The following CIT variants were observed in gnomAD, a reference collection of about 807,000 sequenced individuals.
CIT encodes citron Rho-interacting kinase.
CIT carries 79 observed loss-of-function variants against 272.7 expected under a neutral mutation model. That is an observed-to-expected ratio of 0.29 (90% CI 0.24 to 0.35). The LOEUF (loss-of-function observed/expected upper bound fraction) is 0.35, where lower values mean the gene tolerates loss of function less well. Among genes scored for constraint, CIT ranks in the 10% least tolerant of loss-of-function variants. The pLI is 1.00. For synonymous variants in CIT, 948 were observed against 995.6 expected, an observed-to-expected ratio of 0.95 and a Z score of 0.90; for missense variants, 1,909 against 2,618.3, an observed-to-expected ratio of 0.73 and a Z score of 5.91.
In CIT at chr12:119,803,299, G is replaced by A. The variant is rs767424020; in HGVS notation, c.1202C>T (p.Pro401Leu). The A allele has an allele frequency of 4.3e-6, 7 of 1,610,310 alleles. No individual in the cohort carries two copies. The highest frequency in any genetic ancestry group is 2.7e-5 in the African/African-American group (2 of 74,466). Residue 401 changes from proline to leucine, a missense_variant, in exon 10 of 48, where the codon CCG becomes CTG. Transcript: ENST00000392521. Reference sequence around the variant, plus strand: ...GAAGCCTGAGGGGCTCAGCTGGCACGGAGAGGATGAAACCCACGAATTCTT... The same window carrying A: ...GAAGCCTGAGGGGCTCAGCTGGCACAGAGAGGATGAAACCCACGAATTCTT... ...PEKNSWVSSS[P>L]CQLSPSGFSG... is the part of the protein sequence containing the mutation.
rs928269087 is a variant in CIT, at chr12:119,800,011, G to A, written c.1295+3195C>T. Among the ~76,000 whole-genome samples, 6 of 151,966 alleles carry A rather than the reference G, an allele frequency of 3.9e-5. No individual in the cohort carries two copies. The East Asian group carries it at 1.2e-3, about 29-fold the overall frequency. ...ACGGCTTCACCAAGAACTTAAATGA[G>A]GCAGTGCCTCAATCTAGAAGGAAAA... On this transcript the variant is annotated intron_variant, in intron 10 of 47. Coordinates refer to ENST00000392521, the MANE Select transcript of CIT (RefSeq NM_001206999.2).
At chr12:119,818,622 C>T (rs1478742895) in intron 9 of CIT, among the ~76,000 whole-genome samples, 3 of 152,326 alleles carry the variant, frequency 2.0e-5, no homozygotes, top group Middle Eastern at 3.4e-3. Flanking sequence ...CTAACAAATG[C>T]TGAGGACCTG....
Position 119,825,341 on chromosome 12 carries a change from G to C in CIT, c.781C>G (p.Pro261Ala). The change falls in exon 8 of 48, where the codon CCA (proline) becomes GCA (alanine). Residue 261 changes from proline to alanine, a missense_variant. By Grantham distance (27) the Pro-to-Ala change is conservative (BLOSUM62 -1). Around this residue, in one of 8 missense-constraint regions of CIT, gnomAD observed 529 missense variants for 549.6 expected, o/e 0.96. Coordinates refer to ENST00000392521, the MANE Select transcript of CIT (RefSeq NM_001206999.2). ...MVNAKLPIGT[P>A]DYMAPEVLTV... ...AGCACTTCAGGAGCCATGTAATCTG[G>C]GGTCCCAATCGGGAGTTTGGCATTC... 1.2e-6 allele frequency: 2 copies of C among 1,614,022 alleles called. No homozygotes were observed. Among genetic ancestry groups the C allele is most frequent in the Non-Finnish European group, 1.7e-6 (2 of 1,180,002 alleles).
chr12:119,745,144 A>G (rs1243757034), intron 23 of CIT, among the ~76,000 whole-genome samples: 1 of 151,674 alleles, frequency 6.6e-6, no homozygotes, highest in Non-Finnish European at 1.5e-5. Context: ...AAGAAATGTG[A>G]AGAAAATTAA....
At chr12:119,749,127 G>A (rs1296523845) in intron 23 of CIT, among the ~76,000 whole-genome samples, 3 of 152,200 alleles carry the variant, frequency 2.0e-5, no homozygotes, top group Non-Finnish European at 4.4e-5. Context: ...CCCTTCAGTC[G>A]AGAGCTTTAA....
At chr12:119,738,886 G>A (rs74956154) in intron 24 of CIT, among the ~76,000 whole-genome samples, 236 of 121,596 alleles carry the variant, frequency 1.9e-3, no homozygotes, top group East Asian at 2.4e-3. Context: ...TCAATCTCCA[G>A]AAAAAAAAAA....
rs374303430 is a variant in CIT, at chr12:119,718,344, C to A, written c.4069G>T (p.Ala1357Ser). ...GGCGACCGCACGATGGCGGACATGG[C>A]GATCTGCTGCCTCGCGGTGGCTGGC... The part of the protein sequence containing the change: ...STPATARQQI[A>S]MSAIVRSPEH... Residue 1357 changes from alanine to serine, a missense_variant, in exon 32 of 48, where the codon GCC (alanine) becomes TCC (serine). Coordinates refer to ENST00000392521, the MANE Select transcript of CIT (RefSeq NM_001206999.2). This position sits in a 1 kb window ranked among gnomAD's most constrained non-coding sequence, Gnocchi z 4.8. 13 of 1,614,058 alleles carry A rather than the reference C, an allele frequency of 8.1e-6. No homozygotes were observed. In the African/African-American group the frequency reaches 1.1e-4, roughly 13 times the overall value.
At chr12:119,840,958 G>T (rs1969369355) in intron 5 of CIT, among the ~76,000 whole-genome samples, 1 of 152,108 alleles carries the variant, frequency 6.6e-6, no homozygotes, top group African/African-American at 2.4e-5. Flanking sequence ...CTTTCAAATT[G>T]TTCCTATATA....
chr12:119,750,567 G>T (rs980059391), intron 23 of CIT, among the ~76,000 whole-genome samples: 2 of 151,804 alleles, frequency 1.3e-5, no homozygotes. Context: ...TCTGAACTTG[G>T]TGTAAGTCCT....
At chr12:119,859,127 A>G (rs1950258081) in intron 3 of CIT, among the ~76,000 whole-genome samples, 1 of 152,200 alleles carries the variant, frequency 6.6e-6, no homozygotes, top group South Asian at 2.1e-4. Flanking sequence ...AATGAAGGGG[A>G]GCAGCAGTGG....
chr12:119,789,373 C>T (rs962528677), intron 10 of CIT, among the ~76,000 whole-genome samples: 1 of 152,150 alleles, frequency 6.6e-6, no homozygotes, highest in Non-Finnish European at 1.5e-5. Context: ...AGTAAGAACC[C>T]AATTTTGAAA....
intron 5 of CIT, among the ~76,000 whole-genome samples, chr12:119,845,943 A>AACACACACACACACACACACACAC (rs58381184): frequency 7.3e-6 from 1 of 136,972 alleles, no homozygotes; most frequent in African/African-American, 2.8e-5. Flanking sequence ...TCCATCTCAA[A>AACACACACACACACACACACACAC]ACACACACAC....
chr12:119,823,737 C>T lies in CIT; in HGVS notation c.958-764G>A, dbSNP rs574860904. 5.3e-5 allele frequency among the ~76,000 whole-genome samples: 8 copies of T among 152,044 alleles called. No homozygotes were observed. In the East Asian group the frequency reaches 1.5e-3, roughly 29 times the overall value. ...ACTAAAACATATACATTTATCAGAG[C>T]CTTAAGAAATGAGCTTCACAGGCTA... On this transcript the variant is annotated intron_variant, in intron 8 of 47. Coordinates refer to ENST00000392521, the MANE Select transcript of CIT (RefSeq NM_001206999.2).
intron 23 of CIT, among the ~76,000 whole-genome samples, chr12:119,743,231 A>T (rs552488884): frequency 2.8e-5 from 4 of 141,358 alleles, no homozygotes; most frequent in African/African-American, 5.4e-5. Context: ...GGACCAGTTT[A>T]AAAAAAAAAA....
intron 43 of CIT, 101 bp downstream of exon 43, chr12:119,701,523 A>C: frequency 1.4e-6 from 2 of 1,388,370 alleles, no homozygotes; most frequent in Non-Finnish European, 2.0e-6. Context: ...CCCTAGTCAA[A>C]CCTATCCTGC....
At chr12:119,745,705 T>A (rs1359979554) in intron 23 of CIT, among the ~76,000 whole-genome samples, 1 of 152,148 alleles carries the variant, frequency 6.6e-6, no homozygotes, top group Non-Finnish European at 1.5e-5. Context: ...ATGTTTGAGG[T>A]GATGGATATC....
At position 119,712,549 on chromosome 12, in the gene CIT, C is replaced by T. The variant is rs901053293; in HGVS notation, c.4684+42G>A. On this transcript the variant is annotated intron_variant, in intron 36 of 47. Coordinates refer to ENST00000392521, the MANE Select transcript of CIT (RefSeq NM_001206999.2). This position sits in a 1 kb window ranked among gnomAD's most constrained non-coding sequence, Gnocchi z 5.2. Reference sequence around the variant, plus strand: ...TTCTGTCCCTGCTGATTGGCCAAGCCCGGCCCACCTCCAGGGCGGGGCTCC... The same window carrying T: ...TTCTGTCCCTGCTGATTGGCCAAGCTCGGCCCACCTCCAGGGCGGGGCTCC... 3.8e-6 allele frequency: 6 copies of T among 1,585,022 alleles called. No homozygotes were observed. The African/African-American group carries it at 5.4e-5, about 14-fold the overall frequency.
At chr12:119,827,235 AG>A (rs1173506091) in intron 7 of CIT, among the ~76,000 whole-genome samples, 1 of 152,108 alleles carries the variant, frequency 6.6e-6, no homozygotes. Flanking sequence ...GGGGAGACAA[AG>A]GGGAAAATAT....
intron 28 of CIT, among the ~76,000 whole-genome samples, chr12:119,726,438 C>T (rs567331503): frequency 5.6e-4 from 65 of 116,530 alleles, no homozygotes; most frequent in Middle Eastern, 0.01. Flanking sequence ...CACTATGTTG[C>T]CTATACTGGT....
Sources: gnomAD v4.1 joint callset for allele counts (sites outside exome capture counted in the v4.1 genomes callset) on GRCh38, gnomAD v4.1.1 for gene constraint, gnomAD v4.1.1 regional missense constraint, Gnocchi (gnomAD v3.1) non-coding constraint, MANE v1.5 for transcripts, NCBI Gene and HGNC (gene_info 2026-07-23, HGNC 2026-07-21) for gene names.